The following NGEF variants were observed in gnomAD, a reference collection of about 807,000 sequenced individuals.
NGEF encodes neuronal guanine nucleotide exchange factor, also known as ephexin-1.
In NGEF, 31 loss-of-function variants were observed where a neutral mutation model predicts 80.9. The ratio of observed to expected loss-of-function variants is 0.38; its 90% CI spans 0.29 to 0.52. The LOEUF (loss-of-function observed/expected upper bound fraction) is 0.52, where lower values mean the gene tolerates loss of function less well. Among genes scored for constraint, NGEF ranks in the 20% least tolerant of loss-of-function variants. The pLI is 0.84. For missense variants in NGEF, 709 were observed against 926.2 expected, an observed-to-expected ratio of 0.77 and a Z score of 3.04; for synonymous variants, 371 against 370.2, an observed-to-expected ratio of 1.00 and a Z score of -0.03.
chr2:232,955,937 T>C (rs549858167), intron 3 of NGEF, among the ~76,000 whole-genome samples: 1,835 of 152,318 alleles, frequency 0.012, 25 homozygotes, highest in African/African-American at 0.027. Context: ...GTTTGCATCT[T>C]GGGCTGGCTA....
Position 232,879,293 on chromosome 2 carries a change from A to G in NGEF, c.*196T>C, listed in dbSNP as rs1308040878. On this transcript the variant is annotated 3_prime_UTR_variant, in exon 15 of 15. Transcript: ENST00000264051. ...CAAATGCATCAGGAGAGGCTTGGGCACCCTTTATCCAGTTTGCGAGCAAGG... is the reference window on the plus strand; with the variant it reads ...CAAATGCATCAGGAGAGGCTTGGGCGCCCTTTATCCAGTTTGCGAGCAAGG... 2 of 560,878 alleles carry G rather than the reference A, an allele frequency of 3.6e-6. No homozygotes were observed. The highest frequency in any genetic ancestry group is 6.3e-6 in the Non-Finnish European group (2 of 317,778). 34.7% of individuals were successfully genotyped at this position (560,878 alleles called of 1,614,324 possible).
intron 3 of NGEF, among the ~76,000 whole-genome samples, chr2:232,928,431 G>T (rs1693140758): frequency 6.6e-6 from 1 of 151,806 alleles, no homozygotes; most frequent in Admixed American, 6.6e-5. Context: ...CACGGCGGGG[G>T]AAGCCTGGAA....
intron 3 of NGEF, among the ~76,000 whole-genome samples, chr2:232,969,602 G>A (rs960663680): frequency 8.6e-5 from 13 of 150,522 alleles, no homozygotes; most frequent in Admixed American, 7.3e-4. Context: ...TCCACATCCC[G>A]GGTTCAATCG....
At chr2:232,947,832 G>C (rs991170137) in intron 3 of NGEF, among the ~76,000 whole-genome samples, 2 of 152,146 alleles carry the variant, frequency 1.3e-5, no homozygotes, top group African/African-American at 4.8e-5. Context: ...TATTTTTAAA[G>C]AGTCAGTCAC....
chr2:232,950,463 AC>A (rs1191307199), intron 3 of NGEF, among the ~76,000 whole-genome samples: 2 of 149,266 alleles, frequency 1.3e-5, no homozygotes, highest in African/African-American at 2.5e-5. Flanking sequence ...CCAAATCCCA[AC>A]CCCCCTTTGC....
chr2:232,914,144 C>T (rs1692744629), intron 5 of NGEF, among the ~76,000 whole-genome samples: 1 of 152,194 alleles, frequency 6.6e-6, no homozygotes, highest in Admixed American at 6.5e-5. Flanking sequence ...GTGTCTATAG[C>T]TGCTGTCACA....
At chr2:232,957,739 TG>T (rs1230906928) in intron 3 of NGEF, among the ~76,000 whole-genome samples, 1 of 152,240 alleles carries the variant, frequency 6.6e-6, no homozygotes, top group East Asian at 1.9e-4. Flanking sequence ...TGGTCACCTC[TG>T]GGTGTGGGCC....
chr2:232,883,943 A>G, intron 11 of NGEF, 38 bp downstream of exon 11: 1 of 1,570,084 alleles, frequency 6.4e-7, no homozygotes, highest in Non-Finnish European at 8.6e-7. Context: ...ACACTCCTCT[A>G]CCCACCGGAG....
At chr2:233,001,065 C>G (rs1694967329) in intron 1 of NGEF, among the ~76,000 whole-genome samples, 1 of 152,178 alleles carries the variant, frequency 6.6e-6, no homozygotes. Context: ...GGGCTTCCCC[C>G]CATCCTGAGT....
intron 9 of NGEF, among the ~76,000 whole-genome samples, chr2:232,886,792 C>T (rs532598244): frequency 1.6e-4 from 24 of 152,368 alleles, no homozygotes; most frequent in African/African-American, 5.8e-4. Context: ...CCCCGTGTGG[C>T]TGCTGTCTGG....
intron 3 of NGEF, among the ~76,000 whole-genome samples, chr2:232,961,939 G>A (rs1234566086): frequency 6.6e-6 from 1 of 152,150 alleles, no homozygotes; most frequent in East Asian, 1.9e-4. Context: ...GGGAGGAGGG[G>A]GCCTCATGGC....
chr2:232,967,632 C>T (rs1018513732), intron 3 of NGEF, among the ~76,000 whole-genome samples: 1 of 152,036 alleles, frequency 6.6e-6, no homozygotes, highest in South Asian at 2.1e-4. Flanking sequence ...TACCCAGCCT[C>T]GGGTATTTTT....
chr2:232,968,176 C>T (rs1276246472), intron 3 of NGEF, among the ~76,000 whole-genome samples: 1 of 150,180 alleles, frequency 6.7e-6, no homozygotes, highest in Admixed American at 6.7e-5. Flanking sequence ...GCAATCTCTG[C>T]CTTCCGGGTT....
chr2:232,931,912 A>G (rs1693221835), intron 3 of NGEF, among the ~76,000 whole-genome samples: 2 of 152,130 alleles, frequency 1.3e-5, no homozygotes, highest in Admixed American at 1.3e-4. Context: ...CTAAATATCC[A>G]ATTTCTACCT....
chr2:232,988,232 T>G (rs79782936), intron 1 of NGEF, among the ~76,000 whole-genome samples: 12,933 of 152,180 alleles, frequency 0.085, 678 homozygotes, highest in Middle Eastern at 0.17. Flanking sequence ...GCCAGCTCCT[T>G]GCCACTCCCC....
At chr2:233,000,871 C>T (rs1694962278) in intron 1 of NGEF, among the ~76,000 whole-genome samples, 1 of 152,026 alleles carries the variant, frequency 6.6e-6, no homozygotes, top group African/African-American at 2.4e-5. Flanking sequence ...GGGAGACAAA[C>T]ATTTAGCCCA....
intron 1 of NGEF, among the ~76,000 whole-genome samples, chr2:232,997,466 A>T (rs1014452406): frequency 2.6e-5 from 4 of 152,122 alleles, no homozygotes; most frequent in African/African-American, 9.7e-5. Context: ...TGAAGCTGGC[A>T]TCCAAGCCAG....
At chr2:232,950,097 C>T (rs1559220805) in intron 3 of NGEF, among the ~76,000 whole-genome samples, 1 of 152,226 alleles carries the variant, frequency 6.6e-6, no homozygotes, top group Non-Finnish European at 1.5e-5. Context: ...CAGGCATGAG[C>T]CACTGCACCC....
intron 12 of NGEF, 144 bp downstream of exon 12, chr2:232,883,167 G>T: frequency 2.0e-6 from 2 of 1,006,146 alleles, no homozygotes; most frequent in Non-Finnish European, 2.8e-6. Flanking sequence ...ATTGGCGCAG[G>T]GTCTGGACGG....
Sources: allele counts gnomAD v4.1 joint callset (sites outside exome capture counted in the v4.1 genomes callset), GRCh38; gene constraint gnomAD v4.1.1; transcripts MANE v1.5; gene names NCBI Gene and HGNC (gene_info 2026-07-23, HGNC 2026-07-21).